The following MCTP1 variants were observed in gnomAD, a reference collection of about 807,000 sequenced individuals.
MCTP1 encodes multiple C2 and transmembrane domain-containing protein 1.
MCTP1 carries 69 observed loss-of-function variants against 120.6 expected under a neutral mutation model. That is an observed-to-expected ratio of 0.57 (90% CI 0.47 to 0.70). MCTP1 has a LOEUF of 0.70. Among genes scored for constraint, MCTP1 ranks in the 30% least tolerant of loss-of-function variants. The pLI is 0.00. For missense variants in MCTP1, 1,203 were observed against 1,248.8 expected, an observed-to-expected ratio of 0.96 and a Z score of 0.55; for synonymous variants, 529 against 493.1, an observed-to-expected ratio of 1.07 and a Z score of -0.96.
intron 1 of MCTP1, among the ~76,000 whole-genome samples, chr5:95,240,432 C>G (rs1756035559): frequency 6.6e-6 from 1 of 152,150 alleles, no homozygotes; most frequent in African/African-American, 2.4e-5. Flanking sequence ...TGGGCATTTG[C>G]TCTTGAGCTT....
chr5:95,263,532 T>C (rs559617875), intron 1 of MCTP1, among the ~76,000 whole-genome samples: 2 of 152,308 alleles, frequency 1.3e-5, no homozygotes, highest in East Asian at 3.9e-4. Flanking sequence ...AAATTTACAA[T>C]GTTCTATCCA....
intron 1 of MCTP1, among the ~76,000 whole-genome samples, chr5:95,213,079 T>C (rs1035870753): frequency 1.3e-5 from 2 of 152,180 alleles, no homozygotes; most frequent in East Asian, 1.9e-4. Flanking sequence ...AAATTGTCCC[T>C]GTTTGCAGAT....
At chr5:94,833,016 A>G (rs1788916528) in intron 17 of MCTP1, among the ~76,000 whole-genome samples, 1 of 152,218 alleles carries the variant, frequency 6.6e-6, no homozygotes, top group Non-Finnish European at 1.5e-5. Flanking sequence ...AGCATCTAAG[A>G]ACACAGTTAT....
At chr5:95,012,042 C>T (rs1017557062) in intron 2 of MCTP1, among the ~76,000 whole-genome samples, 3 of 152,076 alleles carry the variant, frequency 2.0e-5, no homozygotes, top group South Asian at 2.1e-4. Context: ...GAAACCAATA[C>T]GTGGCCAAAT....
intron 1 of MCTP1, among the ~76,000 whole-genome samples, chr5:95,185,823 C>A (rs1749141258): frequency 6.6e-6 from 1 of 151,924 alleles, no homozygotes; most frequent in Non-Finnish European, 1.5e-5. Context: ...TGGTGAAACC[C>A]TGTCTCTACT....
intron 17 of MCTP1, among the ~76,000 whole-genome samples, chr5:94,811,802 C>A (rs549828047): frequency 6.6e-6 from 1 of 152,300 alleles, no homozygotes; most frequent in Non-Finnish European, 1.5e-5. Context: ...TCTCTCCTAT[C>A]ATTTTCAGCC....
chr5:94,708,719 T>TC (rs1755607924), intron 21 of MCTP1, 110 bp from the exon 22 acceptor site: 1 of 609,542 alleles, frequency 1.6e-6, no homozygotes, highest in African/African-American at 1.9e-5. Context: ...CCCAGTTTTT[T>TC]CCCCCTCTTC....
intron 1 of MCTP1, among the ~76,000 whole-genome samples, chr5:95,056,120 T>C (rs1339497924): frequency 6.6e-6 from 1 of 152,188 alleles, no homozygotes; most frequent in East Asian, 1.9e-4. Context: ...AAATTATACA[T>C]GACTTGGAAT....
intron 1 of MCTP1, among the ~76,000 whole-genome samples, chr5:95,120,939 A>G (rs1758175471): frequency 6.6e-6 from 1 of 152,170 alleles, no homozygotes; most frequent in Non-Finnish European, 1.5e-5. Context: ...AAAAACCTAA[A>G]GACTTCCCCC....
chr5:95,255,420 C>T (rs1191528497), intron 1 of MCTP1, among the ~76,000 whole-genome samples: 2 of 152,248 alleles, frequency 1.3e-5, no homozygotes, highest in African/African-American at 4.8e-5. Flanking sequence ...TTTTAGAATT[C>T]ATTCTTTCAT....
intron 18 of MCTP1, among the ~76,000 whole-genome samples, chr5:94,781,103 T>C (rs924471219): frequency 6.7e-6 from 1 of 148,886 alleles, no homozygotes; most frequent in Non-Finnish European, 1.5e-5. Flanking sequence ...GTAGCTGTAA[T>C]AAAATTATCT....
chr5:95,065,370 G>A (rs999224269), intron 1 of MCTP1, among the ~76,000 whole-genome samples: 2 of 151,880 alleles, frequency 1.3e-5, no homozygotes, highest in East Asian at 1.9e-4. Context: ...CAAACAAAAT[G>A]TTAGCAAACT....
chr5:95,005,870 A>G (rs1054777228), intron 2 of MCTP1, among the ~76,000 whole-genome samples: 1 of 152,092 alleles, frequency 6.6e-6, no homozygotes, highest in African/African-American at 2.4e-5. Flanking sequence ...AACAAGTAAG[A>G]TAATTATTTG....
intron 1 of MCTP1, among the ~76,000 whole-genome samples, chr5:95,279,490 G>C (rs536390717): frequency 5.3e-5 from 8 of 152,258 alleles, no homozygotes; most frequent in Admixed American, 2.6e-4. Flanking sequence ...AAATAAGAAG[G>C]AATGGCAAAG....
rs1801969304 is a variant in MCTP1 at position 94,889,123 on chromosome 5, T to G, written c.1840-151A>C. 5 of 560,146 alleles carry G rather than the reference T, an allele frequency of 8.9e-6. No individual in the cohort carries two copies. In the South Asian group the frequency reaches 1.3e-4, roughly 15 times the overall value. 34.7% of individuals were successfully genotyped at this position (560,146 alleles called of 1,614,324 possible). On this transcript the variant is annotated intron_variant, in intron 11 of 22. Transcript: ENST00000515393. ...TAACTAATTTTTTTTTTTACTGTTT[T>G]CCTCTTGGTGAGTTTTGGAAATTGC...
intron 14 of MCTP1, 92 bp downstream of exon 14, chr5:94,871,223 G>T: frequency 2.4e-6 from 2 of 835,628 alleles, no homozygotes; most frequent in African/African-American, 1.7e-5. Flanking sequence ...GTTGAGAAAT[G>T]ACAGACACAG....
chr5:95,198,164 T>C (rs1367794478), intron 1 of MCTP1, among the ~76,000 whole-genome samples: 6 of 152,052 alleles, frequency 3.9e-5, no homozygotes, highest in Non-Finnish European at 8.8e-5. Context: ...CACACATAAA[T>C]ATATATGTAA....
chr5:94,801,666 T>C (rs255340), intron 17 of MCTP1, among the ~76,000 whole-genome samples: 137,626 of 152,228 alleles, frequency 0.9, 62,577 homozygotes, highest in African/African-American at 0.96. Flanking sequence ...TAAGCAGATA[T>C]GTTTTCCCTT....
At chr5:95,031,323 T>C (rs1021555177) in intron 1 of MCTP1, among the ~76,000 whole-genome samples, 11 of 151,106 alleles carry the variant, frequency 7.3e-5, no homozygotes, top group African/African-American at 2.4e-4. Flanking sequence ...CCCCAAGACA[T>C]AGAGTCGTCT....
Sources: gnomAD v4.1 joint callset for allele counts (sites outside exome capture counted in the v4.1 genomes callset) on GRCh38, gnomAD v4.1.1 for gene constraint, MANE v1.5 for transcripts, NCBI Gene and HGNC (gene_info 2026-07-23, HGNC 2026-07-21) for gene names.